Variants in BRCA1 observed in about 807,000 individuals in gnomAD.
The protein encoded by BRCA1 is breast cancer type 1 susceptibility protein.
A neutral mutation model predicts 173.7 loss-of-function variants in BRCA1; 140 were observed. That is an observed-to-expected ratio of 0.81 (90% CI 0.70 to 0.93). The LOEUF is 0.93. Among genes scored for constraint, BRCA1 ranks in the 40% least tolerant of loss-of-function variants. The pLI is 0.00. For synonymous variants in BRCA1, 662 were observed against 756.0 expected (o/e 0.88, Z 2.04); for missense variants, 1,983 against 2,172.5 (o/e 0.91, Z 1.73).
At chr17:43,077,886 C>T (rs1015220217) in intron 12 of BRCA1, among the ~76,000 whole-genome samples, 7 of 151,922 alleles carry the variant, frequency 4.6e-5, no homozygotes, top group East Asian at 3.9e-4. Flanking sequence ...CAGGTATGCA[C>T]CACCTCGCCC....
chr17:43,164,281 C>T (rs1044757290), intron 1 of BRCA1: 4 of 152,194 alleles, frequency 2.6e-5, no homozygotes, highest in Non-Finnish European at 4.4e-5. Context: ...CCAACTACGG[C>T]ATAAAAACTC....
In BRCA1 at chr17:43,074,986, GAAGGAAAGAAAGGAAGA is replaced by G. The variant is rs891198670; in HGVS notation, c.4485-482_4485-466del. 6.0e-5 allele frequency among the ~76,000 whole-genome samples: 9 copies of G among 149,416 alleles called. No homozygotes were observed. In the East Asian group the frequency reaches 9.8e-4, roughly 16 times the overall value. On this transcript the variant is annotated intron_variant, in intron 13 of 22. Coordinates refer to ENST00000357654, the MANE Select transcript of BRCA1 (RefSeq NM_007294.4). The stretch of plus-strand genomic sequence containing the variant: ...AAGAAAGAAAAGAAAAGGAAGGGAG[GAAGGAAAGAAAGGAAGA>G]AAGGAAAGAAAGGAAAGAAAGAAGG...
intron 3 of BRCA1, among the ~76,000 whole-genome samples, chr17:43,111,827 A>AAAAC (rs2055050522): frequency 6.6e-6 from 1 of 152,160 alleles, no homozygotes; most frequent in Admixed American, 6.5e-5. Context: ...GTCTCAAAAC[A>AAAAC]AAACAAACAA....
chr17:43,097,472 G>A (rs1159006441), intron 7 of BRCA1, among the ~76,000 whole-genome samples, 183 bp from the exon 8 acceptor site: 1 of 152,162 alleles, frequency 6.6e-6, no homozygotes, highest in East Asian at 1.9e-4. Flanking sequence ...CATGGGCTTC[G>A]CCAGGCACAG....
At chr17:43,106,128 A>T (rs1333817639) in intron 4 of BRCA1, among the ~76,000 whole-genome samples, 2 of 151,888 alleles carry the variant, frequency 1.3e-5, no homozygotes, top group Non-Finnish European at 2.9e-5. Context: ...TAAAAAAAAA[A>T]AAAAAAAGAA....
At position 43,099,846 on chromosome 17, in the gene BRCA1, A is replaced by C; in HGVS notation, c.476T>G (p.Leu159Arg). The change falls in exon 7 of 23, where the codon CTT becomes CGT. Residue 159 changes from leucine to arginine, a missense_variant. Physicochemically the swap from Leu to Arg is moderately radical, Grantham distance 102. Coordinates refer to ENST00000357654, the MANE Select transcript of BRCA1 (RefSeq NM_007294.4). Reference sequence around the variant, plus strand: ...TGTCCTCAGAGTTCTCACAGTTCCAAGGTTAGAGAGTTGGACACTGAGACT... The same window carrying C: ...TGTCCTCAGAGTTCTCACAGTTCCACGGTTAGAGAGTTGGACACTGAGACT... ...ETSLSVQLSN[L>R]GTVRTLRTKQ... 1 of 1,613,784 alleles carries C rather than the reference A, an allele frequency of 6.2e-7. No homozygotes were observed. Among genetic ancestry groups the C allele is most frequent in the Non-Finnish European group, 8.5e-7 (1 of 1,179,680 alleles).
intron 1 of BRCA1, chr17:43,161,260 C>T (rs548755796): frequency 2.0e-4 from 31 of 152,282 alleles, no homozygotes; most frequent in African/African-American, 6.0e-4. Context: ...AGCTTGTAAC[C>T]GTATGATTCA....
At chr17:43,112,194 G>A (rs1476166219) in intron 3 of BRCA1, among the ~76,000 whole-genome samples, 1 of 151,930 alleles carries the variant, frequency 6.6e-6, no homozygotes, top group African/African-American at 2.4e-5. Context: ...GGTTCAAGAG[G>A]TTCCTCTGCC....
At chr17:43,114,759 C>G (rs373958534) in intron 3 of BRCA1, among the ~76,000 whole-genome samples, 1 of 151,852 alleles carries the variant, frequency 6.6e-6, no homozygotes, top group South Asian at 2.1e-4. Context: ...AGGTTATGTA[C>G]CAGGTACATA....
intron 1 of BRCA1, among the ~76,000 whole-genome samples, chr17:43,149,381 T>C (rs1187025333): frequency 2.0e-5 from 3 of 151,860 alleles, no homozygotes; most frequent in Non-Finnish European, 2.9e-5. Flanking sequence ...ATTACAGGTG[T>C]GAGCCACCAT....
At position 43,124,020 on chromosome 17, in the gene BRCA1, A is replaced by G. The variant is rs879255496; in HGVS notation, c.77T>C (p.Ile26Thr). The G allele has an allele frequency of 1.2e-6, 2 of 1,611,032 alleles. No homozygotes were observed. Among genetic ancestry groups the G allele is most frequent in the Non-Finnish European group, 1.7e-6 (2 of 1,177,230 alleles). The part of the protein sequence containing the change: ...NAMQKILECP[I>T]CLELIKEPVS... Reference sequence around the variant, plus strand: ...ATACACTCTTGTGCTGACTTACCAGATGGGACACTCTAAGATTTTCTGCAT... The same window carrying G: ...ATACACTCTTGTGCTGACTTACCAGGTGGGACACTCTAAGATTTTCTGCAT... Residue 26 changes from isoleucine (I) to threonine (T), a missense_variant, in exon 2 of 23, where the codon ATC (isoleucine) becomes ACC (threonine). Physicochemically the swap from Ile to Thr is moderately conservative, Grantham distance 89. Coordinates refer to ENST00000357654, the MANE Select transcript of BRCA1 (RefSeq NM_007294.4).
chr17:43,068,766 T>C (rs890667681), intron 15 of BRCA1, among the ~76,000 whole-genome samples: 1 of 152,124 alleles, frequency 6.6e-6, no homozygotes, highest in African/African-American at 2.4e-5. Flanking sequence ...AACCCTCTGA[T>C]AGTTACAAAA....
Position 43,146,700 on chromosome 17 carries a change from A to G in BRCA1, c.-19-22585T>C, listed in dbSNP as rs537630637. Among the ~76,000 whole-genome samples, 4 of 152,262 alleles carry G rather than the reference A, an allele frequency of 2.6e-5. No individual in the cohort carries two copies. The South Asian group carries it at 8.3e-4, about 32-fold the overall frequency. Reference sequence around the variant, plus strand: ...AATCTCAATTATGAAAGAAAAAAAAAGAAAAATAAGTAATTTTACAGGAGG... The same window carrying G: ...AATCTCAATTATGAAAGAAAAAAAAGGAAAAATAAGTAATTTTACAGGAGG... On this transcript the variant is annotated intron_variant, in intron 1 of 7. Transcript: ENST00000634433.
At chr17:43,067,221 A>C in intron 16 of BRCA1, 1 of 240,886 alleles carries the variant, frequency 4.2e-6, no homozygotes, top group Admixed American at 5.3e-5. Flanking sequence ...ACTATCATCC[A>C]TGCTATGCTC....
chr17:43,070,466 G>A (rs1194961613), intron 15 of BRCA1, among the ~76,000 whole-genome samples: 1 of 152,128 alleles, frequency 6.6e-6, no homozygotes, highest in Non-Finnish European at 1.5e-5. Context: ...GAAGTGGCAG[G>A]GCATTCTTAC....
chr17:43,071,140 T>C lies in BRCA1; in HGVS notation c.4774A>G (p.Asn1592Asp). 1 of 1,614,204 alleles carries C rather than the reference T, an allele frequency of 6.2e-7. No individual in the cohort carries two copies. Among genetic ancestry groups the C allele is most frequent in the Non-Finnish European group, 8.5e-7 (1 of 1,180,038 alleles). ...AATGCAGAGGTTGAAGATGGTATGTTGCCAACACGAGCTGACTCTGGGGCT... is the reference window on the plus strand; with the variant it reads ...AATGCAGAGGTTGAAGATGGTATGTCGCCAACACGAGCTGACTCTGGGGCT... ...DRAPESARVG[N>D]IPSSTSALKV... The change falls in exon 15 of 23, where the codon AAC becomes GAC. Residue 1592 changes from asparagine (N) to aspartate (D), a missense_variant. By Grantham distance (23) the Asn-to-Asp change is conservative. Coordinates refer to ENST00000357654, the MANE Select transcript of BRCA1 (RefSeq NM_007294.4).
intron 1 of BRCA1, chr17:43,144,096 G>C (rs983841297): frequency 6.2e-6 from 1 of 160,696 alleles, no homozygotes; most frequent in Non-Finnish European, 1.4e-5. Context: ...GCTGGCGGGC[G>C]CCTGTAGTCC....
At chr17:43,117,785 C>G (rs1479906729) in intron 2 of BRCA1, among the ~76,000 whole-genome samples, 1 of 151,928 alleles carries the variant, frequency 6.6e-6, no homozygotes, top group Non-Finnish European at 1.5e-5. Flanking sequence ...AATACATCAC[C>G]CAAGTTCCCA....
chr17:43,100,571 T>TAA (rs2054351443), intron 6 of BRCA1, among the ~76,000 whole-genome samples: 1 of 90,652 alleles, frequency 1.1e-5, no homozygotes, highest in Non-Finnish European at 2.1e-5. Flanking sequence ...TATATATATA[T>TAA]AACATATATA....
Sources: gnomAD v4.1 joint callset for allele counts (sites outside exome capture counted in the v4.1 genomes callset) on GRCh38, gnomAD v4.1.1 for gene constraint, MANE v1.5 for transcripts, NCBI Gene and HGNC (gene_info 2026-07-23, HGNC 2026-07-21) for gene names.